The following RUVBL1 variants were observed in gnomAD, a reference collection of about 807,000 sequenced individuals.
RUVBL1 encodes RuvB like AAA ATPase 1.
In RUVBL1, 4 loss-of-function variants were observed where a neutral mutation model predicts 52.4. The observed-to-expected ratio is 0.08, with a 90% CI of 0.04 to 0.17. The LOEUF (loss-of-function observed/expected upper bound fraction) is 0.17. Ranked by LOEUF, RUVBL1 falls within the 10% of genes least tolerant of loss-of-function variation. The probability of loss-of-function intolerance (pLI) is 1.00; values close to 1 mark genes in which losing one functional copy is unlikely to be tolerated. For synonymous variants in RUVBL1, 217 were observed against 214.4 expected (o/e 1.01, Z -0.10); for missense variants, 298 against 572.8 (o/e 0.52, Z 4.90).
chr3:128,077,100 C>T (rs902206626), downstream of RUVBL1, among the ~76,000 whole-genome samples: 5 of 151,924 alleles, frequency 3.3e-5, no homozygotes, highest in African/African-American at 1.2e-4. Flanking sequence ...GGGGTCAGCG[C>T]GGGCCGGGCC....
At chr3:128,100,878 C>T (rs754980562) in intron 5 of RUVBL1, 134 bp from the exon 6 acceptor site, 27 of 962,778 alleles carry the variant, frequency 2.8e-5, no homozygotes, top group Admixed American at 2.6e-4. Flanking sequence ...TCCAAATATG[C>T]CCCACTCCCC....
chr3:128,116,516 G>A (rs1221319066), intron 2 of RUVBL1, among the ~76,000 whole-genome samples: 2 of 146,250 alleles, frequency 1.4e-5, no homozygotes, highest in African/African-American at 2.6e-5. Context: ...GCAAGAGAGC[G>A]AGACTTCATC....
chr3:128,136,911 C>A (rs1943956846), intron 1 of RUVBL1, among the ~76,000 whole-genome samples: 1 of 151,914 alleles, frequency 6.6e-6, no homozygotes, highest in Admixed American at 6.6e-5. Flanking sequence ...ATATAGAAAG[C>A]AAATAGTATT....
At chr3:128,135,847 TAAG>T (rs1943940402) in intron 1 of RUVBL1, among the ~76,000 whole-genome samples, 1 of 152,174 alleles carries the variant, frequency 6.6e-6, no homozygotes, top group African/African-American at 2.4e-5. Flanking sequence ...ATTCGTATCT[TAAG>T]AAGAAAGAAT....
At position 128,115,068 on chromosome 3, in the gene RUVBL1, T is replaced by C. The variant is rs1275006951; in HGVS notation, c.229-2048A>G. On this transcript the variant is annotated intron_variant, in intron 2 of 10. Transcript: ENST00000322623. The stretch of plus-strand genomic sequence containing the variant: ...CATTTAAAGACTTCCAGAGGGAAAG[T>C]ATATGATATGGCTACTATTCCTACA... Among the ~76,000 whole-genome samples, 4 of 152,166 alleles carry C rather than the reference T, an allele frequency of 2.6e-5. No homozygotes were observed. The East Asian group carries it at 7.7e-4, about 29-fold the overall frequency.
intron 8 of RUVBL1, among the ~76,000 whole-genome samples, chr3:128,090,468 G>A (rs928910532): frequency 2.0e-5 from 3 of 151,986 alleles, no homozygotes; most frequent in East Asian, 1.9e-4. Context: ...GCAGTGTACC[G>A]AGATCGTGTC....
chr3:128,136,809 C>T (rs770271791), intron 1 of RUVBL1, among the ~76,000 whole-genome samples: 1 of 151,764 alleles, frequency 6.6e-6, no homozygotes, highest in Non-Finnish European at 1.5e-5. Flanking sequence ...TATAAGGAGA[C>T]AAAGAAGATC....
intron 1 of RUVBL1, among the ~76,000 whole-genome samples, chr3:128,133,407 G>A (rs573472004): frequency 3.1e-4 from 47 of 152,328 alleles, no homozygotes; most frequent in Admixed American, 1.3e-3. Flanking sequence ...ATTGGCAGTA[G>A]CCAGGCAGTG....
intron 9 of RUVBL1, chr3:128,068,132 GATAGGCCC>G: frequency 8.7e-7 from 1 of 1,149,984 alleles, no homozygotes; most frequent in East Asian, 2.3e-5. Context: ...AGGGCATCCT[GATAGGCCC>G]TAGCACTTAC....
chr3:128,123,965 G>T, upstream of RUVBL1: 1 of 1,209,372 alleles, frequency 8.3e-7, no homozygotes, highest in South Asian at 2.9e-5. Flanking sequence ...GGCTTCCCCC[G>T]TAGCCGGCGC....
intron 1 of RUVBL1, among the ~76,000 whole-genome samples, chr3:128,141,237 G>T (rs56175090): frequency 6.6e-6 from 1 of 152,112 alleles, no homozygotes; most frequent in African/African-American, 2.4e-5. Flanking sequence ...ACCAAGGTTC[G>T]TCTGGGAACA....
chr3:128,114,828 G>T (rs761388126), intron 2 of RUVBL1, among the ~76,000 whole-genome samples: 11 of 135,422 alleles, frequency 8.1e-5, no homozygotes, highest in Non-Finnish European at 1.6e-4. Context: ...AGGCTGGACA[G>T]GACCACCCCT....
rs550183747 is a variant in RUVBL1 at position 128,136,915 on chromosome 3, T to C, written c.-40+16288A>G. On this transcript the variant is annotated intron_variant, in intron 1 of 9. Transcript: ENST00000464873. ...TCGATCACCACATATAGAAAGCAAA[T>C]AGTATTAGACCTAAAGATCATGAAC... is the stretch of plus-strand genomic sequence containing the variant. Among the ~76,000 whole-genome samples, 100 of 152,140 alleles carry C rather than the reference T, an allele frequency of 6.6e-4. 2 individuals carry two copies. The highest frequency in any genetic ancestry group is 2.1e-3 in the African/African-American group (89 of 41,488).
At chr3:128,072,761 GCCT>G (rs1021372415) in intron 9 of RUVBL1, among the ~76,000 whole-genome samples, 34 of 152,302 alleles carry the variant, frequency 2.2e-4, no homozygotes, top group African/African-American at 7.5e-4. Flanking sequence ...CATCTCTCGT[GCCT>G]CAGGTATTCG....
chr3:128,100,986 T>G (rs1428000365), intron 5 of RUVBL1, among the ~76,000 whole-genome samples: 1 of 152,230 alleles, frequency 6.6e-6, no homozygotes, highest in African/African-American at 2.4e-5. Context: ...TTTCCCTTCT[T>G]TCTTTTAACT....
intron 6 of RUVBL1, among the ~76,000 whole-genome samples, chr3:128,099,189 C>T (rs1453770504): frequency 6.6e-6 from 1 of 152,212 alleles, no homozygotes; most frequent in African/African-American, 2.4e-5. Context: ...TTTTCCAGCC[C>T]TATCTTTTTC....
Position 128,081,525 on chromosome 3 carries a change from G to C in RUVBL1, c.1212-116C>G. The C allele has an allele frequency of 1.9e-6, 2 of 1,065,032 alleles. No homozygotes were observed. Among genetic ancestry groups the C allele is most frequent in the Non-Finnish European group, 2.7e-6 (2 of 744,284 alleles). The allele number at this position is 1,065,032 out of a possible 1,614,324, so 66.0% of individuals were successfully genotyped here. On this transcript the variant is annotated intron_variant, in intron 10 of 10. Transcript: ENST00000322623. This position sits in a 1 kb window ranked among gnomAD's most constrained non-coding sequence, Gnocchi z 4.8. ...GAGCAGAGCCCAGTGCTGGGCTTGT[G>C]CCAGCTGCTACGAACACAGAAAAGG...
chr3:128,066,816 C>T (rs1466125105), intron 9 of RUVBL1: 6 of 744,744 alleles, frequency 8.1e-6, no homozygotes, highest in East Asian at 2.7e-5. Context: ...CACAAGCTCT[C>T]GGAACTGGGA....
chr3:128,141,716 G>A (rs143548378), intron 1 of RUVBL1, among the ~76,000 whole-genome samples: 1,957 of 152,126 alleles, frequency 0.013, 32 homozygotes, highest in African/African-American at 0.045. Context: ...GGCTGGTCTC[G>A]AACTCCTGAC....
Sources: gnomAD v4.1 joint callset for allele counts (sites outside exome capture counted in the v4.1 genomes callset) on GRCh38, gnomAD v4.1.1 for gene constraint, Gnocchi (gnomAD v3.1) non-coding constraint, MANE v1.5 for transcripts, NCBI Gene and HGNC (gene_info 2026-07-23, HGNC 2026-07-21) for gene names.